Variants in FRMD6 observed in about 807,000 individuals in gnomAD.
FRMD6 encodes the protein FERM domain containing 6, also known as FERM domain-containing protein 6.
A neutral mutation model predicts 73.2 loss-of-function variants in FRMD6; 37 were observed. That is an observed-to-expected ratio of 0.51 (90% CI 0.39 to 0.66). The LOEUF is 0.66. Among genes scored for constraint, FRMD6 ranks in the 30% least tolerant of loss-of-function variants. The pLI is 0.00. For missense variants in FRMD6, 714 were observed against 780.5 expected (o/e 0.91, Z 1.02); for synonymous variants, 273 against 282.2 (o/e 0.97, Z 0.33).
the FRMD6 span, among the ~76,000 whole-genome samples, chr14:51,456,790 T>TAAAG: frequency 6.6e-6 from 1 of 152,234 alleles, no homozygotes; most frequent in South Asian, 2.1e-4. Flanking sequence ...AAATGTGGCA[T>TAAAG]ATATACACAA....
the FRMD6 span, among the ~76,000 whole-genome samples, chr14:51,409,116 A>G: frequency 6.6e-6 from 1 of 152,080 alleles, no homozygotes; most frequent in Non-Finnish European, 1.5e-5. Context: ...GTTTATTTTT[A>G]GTCTACTCCT....
chr14:51,545,342 GTGTGCTC>G (rs531950952), intron 1 of FRMD6, among the ~76,000 whole-genome samples: 75 of 152,144 alleles, frequency 4.9e-4, no homozygotes, highest in Non-Finnish European at 8.4e-4. Flanking sequence ...TACTCCAGAG[GTGTGCTC>G]TGGAGTAGTA....
At chr14:51,423,922 G>A in the FRMD6 span, among the ~76,000 whole-genome samples, 2 of 152,184 alleles carry the variant, frequency 1.3e-5, no homozygotes, top group African/African-American at 2.4e-5. Context: ...GAAGTAAAAT[G>A]TATAATTCTT....
At chr14:51,711,054 G>T (rs138653531) in intron 7 of FRMD6, among the ~76,000 whole-genome samples, 38 of 152,288 alleles carry the variant, frequency 2.5e-4, no homozygotes, top group African/African-American at 9.1e-4. Flanking sequence ...TTTGGCTACA[G>T]AGCTGGAAGA....
At chr14:51,445,540 C>T in the FRMD6 span, among the ~76,000 whole-genome samples, 2 of 151,234 alleles carry the variant, frequency 1.3e-5, no homozygotes, top group African/African-American at 4.9e-5. Flanking sequence ...GCTAGATGAT[C>T]AAGTAGCCAA....
chr14:51,607,386 G>T (rs756596027), intron 2 of FRMD6, among the ~76,000 whole-genome samples: 1 of 152,240 alleles, frequency 6.6e-6, no homozygotes, highest in Non-Finnish European at 1.5e-5. Flanking sequence ...AACTGAGGGG[G>T]CAAACGGGGC....
intron 2 of FRMD6, among the ~76,000 whole-genome samples, chr14:51,628,597 G>T (rs1338972554): frequency 2.0e-5 from 3 of 151,858 alleles, no homozygotes; most frequent in Admixed American, 6.6e-5. Flanking sequence ...CAGATCACTT[G>T]AGGCCAGGAG....
chr14:51,418,712 C>G, the FRMD6 span, among the ~76,000 whole-genome samples: 1 of 152,258 alleles, frequency 6.6e-6, no homozygotes, highest in African/African-American at 2.4e-5. Flanking sequence ...CTCTTCAGAG[C>G]TGTCAGACAG....
the FRMD6 span, among the ~76,000 whole-genome samples, chr14:51,469,618 G>GAAAAAAAAAAAAAAA: frequency 1.0e-5 from 1 of 96,764 alleles, no homozygotes; most frequent in Non-Finnish European, 2.1e-5. Flanking sequence ...ATTTCAAAAA[G>GAAAAAAAAAAAAAAA]AAAAAAAAAA....
intron 2 of FRMD6, among the ~76,000 whole-genome samples, chr14:51,610,662 A>T (rs192317802): frequency 7.9e-4 from 121 of 152,324 alleles, no homozygotes; most frequent in African/African-American, 2.8e-3. Context: ...TCTCTACATA[A>T]GTCAAAATAT....
chr14:51,544,987 G>A (rs1433128301), intron 1 of FRMD6, among the ~76,000 whole-genome samples: 1 of 152,034 alleles, frequency 6.6e-6, no homozygotes, highest in South Asian at 2.1e-4. Flanking sequence ...CATTTGGAAA[G>A]GGTTGTATTA....
At chr14:51,459,984 C>G in the FRMD6 span, among the ~76,000 whole-genome samples, 2 of 139,974 alleles carry the variant, frequency 1.4e-5, no homozygotes, top group African/African-American at 5.4e-5. Context: ...TAAAACGGTA[C>G]TCTTTATTTA....
the FRMD6 span, among the ~76,000 whole-genome samples, chr14:51,425,924 G>T: frequency 1.3e-5 from 2 of 152,194 alleles, no homozygotes; most frequent in African/African-American, 4.8e-5. Context: ...TCTTGAGTGT[G>T]ATGCCTGGCA....
chr14:51,461,749 T>C, the FRMD6 span, among the ~76,000 whole-genome samples: 1 of 152,214 alleles, frequency 6.6e-6, no homozygotes, highest in African/African-American at 2.4e-5. Flanking sequence ...TCTTTGCTCA[T>C]TTTGAATAGA....
chr14:51,565,417 A>C (rs1887718840), intron 1 of FRMD6: 1 of 152,252 alleles, frequency 6.6e-6, no homozygotes, highest in Admixed American at 6.5e-5. Flanking sequence ...ACTGGATTCA[A>C]ATACCAAGAA....
intron 1 of FRMD6, among the ~76,000 whole-genome samples, chr14:51,670,340 G>GA (rs1893912167): frequency 6.6e-6 from 1 of 152,186 alleles, no homozygotes; most frequent in South Asian, 2.1e-4. Context: ...AGAGTGCTGA[G>GA]ATTAAAGGCA....
intron 1 of FRMD6, among the ~76,000 whole-genome samples, chr14:51,537,236 T>C (rs768616306): frequency 6.6e-5 from 10 of 152,206 alleles, no homozygotes; most frequent in Admixed American, 1.3e-4. Context: ...CAGAGTGCCA[T>C]CTAGTTGTAA....
chr14:51,649,207 A>AT (rs1892218433), upstream of FRMD6, among the ~76,000 whole-genome samples: 1 of 152,200 alleles, frequency 6.6e-6, no homozygotes, highest in Non-Finnish European at 1.5e-5. Context: ...TATATAACTG[A>AT]TTTTAAGAGT....
At chr14:51,541,438 G>A (rs1596561755) in intron 1 of FRMD6, among the ~76,000 whole-genome samples, 2 of 152,072 alleles carry the variant, frequency 1.3e-5, no homozygotes, top group African/African-American at 4.8e-5. Context: ...TCCTGGTAGA[G>A]CTTATTATTT....
Sources: gnomAD v4.1 joint callset for allele counts (sites outside exome capture counted in the v4.1 genomes callset) on GRCh38, gnomAD v4.1.1 for gene constraint, MANE v1.5 for transcripts, NCBI Gene and HGNC (gene_info 2026-07-23, HGNC 2026-07-21) for gene names.